The following RBM5 variants were observed in gnomAD, a reference collection of about 807,000 sequenced individuals.
The protein encoded by RBM5 is RNA-binding protein 5.
In RBM5, 15 loss-of-function variants were observed where a neutral mutation model predicts 124.6. The observed-to-expected ratio is 0.12, with a 90% CI of 0.08 to 0.19. The LOEUF (loss-of-function observed/expected upper bound fraction) is 0.19, where lower values mean the gene tolerates loss of function less well. RBM5 is among the 10% of genes least tolerant of loss of function. The pLI, the probability that RBM5 is intolerant of heterozygous loss-of-function variation, is 1.00. For synonymous variants in RBM5, 337 were observed against 361.2 expected (o/e 0.93, Z 0.76); for missense variants, 580 against 1,026.5 (o/e 0.57, Z 5.94).
intron 4 of RBM5, among the ~76,000 whole-genome samples, chr3:50,098,144 T>C (rs2090860419): frequency 6.6e-6 from 1 of 152,174 alleles, no homozygotes; most frequent in Non-Finnish European, 1.5e-5. Flanking sequence ...ATTTTTTGGC[T>C]GTTGATTTTT....
intron 14 of RBM5, 22 bp from the exon 15 acceptor site, chr3:50,109,581 T>A (rs2091104721): frequency 6.2e-7 from 1 of 1,606,908 alleles, no homozygotes; most frequent in African/African-American, 1.3e-5. Context: ...TGGCTTTCCC[T>A]AACACTTGTG....
chr3:50,115,271 C>T, intron 20 of RBM5, 157 bp from the exon 21 acceptor site: 1 of 847,978 alleles, frequency 1.2e-6, no homozygotes, highest in South Asian at 1.8e-5. Flanking sequence ...CCTGACTGCT[C>T]CACGCAGTTG....
intron 22 of RBM5, chr3:50,116,826 TA>T (rs1339243797): frequency 2.1e-6 from 1 of 479,400 alleles, no homozygotes; most frequent in African/African-American, 2.0e-5. Context: ...GGTGGCTAAT[TA>T]AATAAAACTG....
In RBM5 at chr3:50,105,707, A is replaced by G. The variant is rs777391323; in HGVS notation, c.853A>G (p.Met285Val). The G allele has an allele frequency of 2.8e-5, 45 of 1,613,774 alleles. No individual in the cohort carries two copies. In the South Asian group the frequency reaches 4.0e-4, roughly 14 times the overall value. The change falls in exon 10 of 25, where the codon ATG becomes GTG. Residue 285 changes from methionine to valine, a missense_variant and splice_region_variant. This residue lies in a region of RBM5 where 42 missense variants were observed against 101.1 expected (regional missense o/e 0.42). Transcript: ENST00000347869. ...CGCATTTGTGCAGCTGTCCTCTGCA[A>G]TGGTGAGGTTCTCATCGATTCTTTC... ...GFAFVQLSSAMDASQLLQILQ... is the reference protein window; with the variant it reads ...GFAFVQLSSAVDASQLLQILQ...
chr3:50,109,453 T>G (rs2091102838), intron 14 of RBM5, 150 bp from the exon 15 acceptor site: 1 of 655,124 alleles, frequency 1.5e-6, no homozygotes, highest in Non-Finnish European at 2.8e-6. Flanking sequence ...AATGAAAATG[T>G]CACAGATTCC....
Position 50,108,298 on chromosome 3 carries a change from G to C in RBM5, c.1186G>C (p.Ala396Pro). ...AGGLESDASSASGTAVTTTSA... is the reference protein window; with the variant it reads ...AGGLESDASSPSGTAVTTTSA... ...AGGATTGGAATCTGATGCATCATCT[G>C]CATCAGGTAGTAAACTTCATCTCCC... The change falls in exon 14 of 25, where the codon GCA becomes CCA. Residue 396 changes from alanine (A) to proline (P), a missense_variant. Around this residue, in one of 6 missense-constraint regions of RBM5, gnomAD observed 104 missense variants for 128.7 expected, o/e 0.81. Transcript: ENST00000347869. The C allele has an allele frequency of 1.2e-6, 2 of 1,608,240 alleles. No individual in the cohort carries two copies. Among genetic ancestry groups the C allele is most frequent in the South Asian group, 2.2e-5 (2 of 90,962 alleles).
At chr3:50,116,370 T>C (rs1205340817) in intron 22 of RBM5, 3 of 191,816 alleles carry the variant, frequency 1.6e-5, no homozygotes, top group East Asian at 2.7e-4. Context: ...GCAGGTGATA[T>C]GAAAGGAAGG....
intron 7 of RBM5, among the ~76,000 whole-genome samples, chr3:50,103,769 C>A: frequency 6.6e-6 from 1 of 152,188 alleles, no homozygotes. Flanking sequence ...AGTCTCTTAA[C>A]TGTATTAACC....
rs753545014 is a variant in RBM5 at position 50,113,475 on chromosome 3, G to T, written c.1548G>T (p.Gln516His). ...VPAAESSSHQ[Q>H]SGLPPAKEGK... ...CTGCAGAGTCTAGCTCCCACCAGCA[G>T]TCGGGCCTGCCTCCTGCAAAAGAGG... The change falls in exon 18 of 25, where the codon CAG becomes CAT. Residue 516 changes from glutamine to histidine, a missense_variant. Gln to His is a conservative substitution (Grantham distance 24). Around this residue, in one of 6 missense-constraint regions of RBM5, gnomAD observed 234 missense variants for 435.1 expected, o/e 0.54. Coordinates refer to ENST00000347869, the MANE Select transcript of RBM5 (RefSeq NM_005778.4). 9.3e-6 allele frequency: 15 copies of T among 1,614,028 alleles called. No individual in the cohort carries two copies. Among genetic ancestry groups the T allele is most frequent in the Non-Finnish European group, 1.0e-5 (12 of 1,180,042 alleles).
At chr3:50,103,930 A>ATGGGATG (rs1467431461) in intron 7 of RBM5, among the ~76,000 whole-genome samples, 1 of 152,166 alleles carries the variant, frequency 6.6e-6, no homozygotes, top group Non-Finnish European at 1.5e-5. Flanking sequence ...TGTATGTAGG[A>ATGGGATG]TGGGATGTAT....
chr3:50,093,996 C>A (rs1665668336), intron 4 of RBM5, 121 bp downstream of exon 4: 3 of 1,107,208 alleles, frequency 2.7e-6, no homozygotes, highest in Non-Finnish European at 3.8e-6. Context: ...ATCCCTTATC[C>A]AAAATGCTTG....
At chr3:50,118,186 T>A (rs1414386524) in intron 24 of RBM5, 145 bp from the exon 25 acceptor site, 8 of 1,141,898 alleles carry the variant, frequency 7.0e-6, no homozygotes, top group Non-Finnish European at 1.2e-6. Context: ...GCTCCTGGTC[T>A]CTTCTGGAGA....
At chr3:50,094,681 G>A (rs2090774748) in intron 4 of RBM5, among the ~76,000 whole-genome samples, 1 of 152,144 alleles carries the variant, frequency 6.6e-6, no homozygotes, top group Non-Finnish European at 1.5e-5. Flanking sequence ...GGCTAAGTAT[G>A]TTGCCTGGAC....
Position 50,107,545 on chromosome 3 carries a change from T to G in RBM5, c.1017T>G (p.Ala339=). ...TCTCTGTAGCTAGTACGGCTATTGC[T>G]GCTGCTCAGTGGTCATCCACCCAGG... ...SAFSVASTAI[A]AAQWSSTQSQ... The change falls in exon 12 of 25, where the codon GCT becomes GCG. Residue 339 remains alanine (A), a synonymous_variant. Transcript: ENST00000347869. The G allele has an allele frequency of 6.2e-7, 1 of 1,610,164 alleles. No homozygotes were observed. Among genetic ancestry groups the G allele is most frequent in the Non-Finnish European group, 8.5e-7 (1 of 1,176,472 alleles).
intron 11 of RBM5, 25 bp from the exon 12 acceptor site, chr3:50,107,457 C>T (rs775774580): frequency 3.3e-6 from 5 of 1,533,354 alleles, no homozygotes; most frequent in Non-Finnish European, 4.5e-6. Flanking sequence ...GATAGAATCA[C>T]ATGATTGGAT....
chr3:50,110,851 C>G, intron 17 of RBM5, 81 bp downstream of exon 17: 2 of 1,143,720 alleles, frequency 1.7e-6, no homozygotes, highest in Non-Finnish European at 2.5e-6. Flanking sequence ...TGAAATATTT[C>G]CTGCAAAAGA....
chr3:50,101,100 A>T lies in RBM5; in HGVS notation c.483+495A>T, dbSNP rs926736474. 4.6e-5 allele frequency: 7 copies of T among 152,986 alleles called. 1 individual carries two copies. Among genetic ancestry groups the T allele is most frequent in the Admixed American group, 4.5e-4 (7 of 15,392 alleles). The allele number at this position is 152,986 out of a possible 1,614,324, so 9.5% of individuals were successfully genotyped here. On this transcript the variant is annotated intron_variant, in intron 6 of 24. Coordinates refer to ENST00000347869, the MANE Select transcript of RBM5 (RefSeq NM_005778.4). ...GGACTTAGTGGAATTTATGAACAAT[A>T]AGTCTGATGAGATTAGCCTGGGAGT...
intron 4 of RBM5, among the ~76,000 whole-genome samples, chr3:50,097,378 AGAGCAAGACT>A: frequency 6.6e-6 from 1 of 151,582 alleles, no homozygotes; most frequent in Non-Finnish European, 1.5e-5. Flanking sequence ...CCTGGGCGAC[AGAGCAAGACT>A]GTCTCAAAAA....
chr3:50,115,858 A>G (rs1452590887), intron 21 of RBM5, 48 bp from the exon 22 acceptor site: 1 of 1,522,550 alleles, frequency 6.6e-7, no homozygotes, highest in South Asian at 1.1e-5. Context: ...GACATTTCAA[A>G]TTAAGATGGT....
Sources: allele counts gnomAD v4.1 joint callset (sites outside exome capture counted in the v4.1 genomes callset), GRCh38; gene constraint gnomAD v4.1.1; regional missense constraint gnomAD v4.1.1; transcripts MANE v1.5; gene names NCBI Gene and HGNC (gene_info 2026-07-23, HGNC 2026-07-21).